MAST4: variants seen among roughly 807,000 people sequenced by gnomAD.
MAST4 encodes microtubule associated serine/threonine kinase family member 4.
MAST4 carries 89 observed loss-of-function variants against 162.7 expected under a neutral mutation model. That is an observed-to-expected ratio of 0.55 (90% CI 0.46 to 0.65). The LOEUF is 0.65. MAST4 is among the 30% of genes least tolerant of loss of function. MAST4 has a pLI of 0.00. For missense variants in MAST4, 3,153 were observed against 3,374.0 expected, an observed-to-expected ratio of 0.93 and a Z score of 1.62; for synonymous variants, 1,479 against 1,361.1, an observed-to-expected ratio of 1.09 and a Z score of -1.91.
At chr5:67,029,133 CA>C (rs35281187) in intron 4 of MAST4, among the ~76,000 whole-genome samples, 99 of 142,448 alleles carry the variant, frequency 6.9e-4, no homozygotes, top group Admixed American at 9.1e-4. Context: ...GACACTCTCT[CA>C]AAAAAAAAAA....
intron 3 of MAST4, among the ~76,000 whole-genome samples, chr5:66,795,085 T>C (rs888912603): frequency 6.6e-6 from 1 of 152,222 alleles, no homozygotes; most frequent in Non-Finnish European, 1.5e-5. Flanking sequence ...ATTAGCCTTA[T>C]AGCTCAAAAC....
chr5:66,619,386 C>A (rs1464240293), intron 1 of MAST4, among the ~76,000 whole-genome samples: 1 of 128,070 alleles, frequency 7.8e-6, no homozygotes, highest in Non-Finnish European at 1.7e-5. Context: ...ATATTTTTCT[C>A]CCTGAAAACT....
intron 3 of MAST4, among the ~76,000 whole-genome samples, chr5:66,845,387 C>A (rs894668854): frequency 6.6e-6 from 1 of 151,628 alleles, no homozygotes; most frequent in African/African-American, 2.4e-5. Flanking sequence ...TTTGTCCTTG[C>A]GATAGTTTGC....
intron 2 of MAST4, among the ~76,000 whole-genome samples, chr5:66,768,746 G>C (rs558386315): frequency 6.6e-6 from 1 of 152,254 alleles, no homozygotes; most frequent in Non-Finnish European, 1.5e-5. Flanking sequence ...CTTGGGTTGT[G>C]ATATTGTACT....
At chr5:67,073,385 G>T (rs1208692906) in intron 5 of MAST4, among the ~76,000 whole-genome samples, 1 of 152,196 alleles carries the variant, frequency 6.6e-6, no homozygotes, top group African/African-American at 2.4e-5. Flanking sequence ...AAAAAACCTA[G>T]TCTATATTCT....
intron 4 of MAST4, among the ~76,000 whole-genome samples, chr5:67,031,015 T>C (rs1009416349): frequency 1.3e-5 from 2 of 152,192 alleles, no homozygotes; most frequent in Non-Finnish European, 2.9e-5. Context: ...TTAACTGTCC[T>C]GTAAAAAGTA....
At chr5:66,866,004 G>C (rs188333162) in intron 3 of MAST4, among the ~76,000 whole-genome samples, 2 of 151,180 alleles carry the variant, frequency 1.3e-5, no homozygotes, top group Non-Finnish European at 1.5e-5. Flanking sequence ...GAACCCTGGG[G>C]GTGGAGGTTG....
At chr5:66,801,160 G>C (rs998802277) in intron 3 of MAST4, among the ~76,000 whole-genome samples, 1 of 152,132 alleles carries the variant, frequency 6.6e-6, no homozygotes, top group Non-Finnish European at 1.5e-5. Flanking sequence ...TAAAGTGATT[G>C]TTATGTGCTT....
chr5:66,916,709 G>A (rs1242278608), intron 4 of MAST4, among the ~76,000 whole-genome samples: 3 of 152,100 alleles, frequency 2.0e-5, no homozygotes. Context: ...GCTACTACCT[G>A]TCTTAAACAA....
intron 19 of MAST4, among the ~76,000 whole-genome samples, chr5:67,138,013 C>T (rs1294280483): frequency 6.6e-6 from 1 of 152,124 alleles, no homozygotes; most frequent in Non-Finnish European, 1.5e-5. Context: ...TTACCTTTTT[C>T]AGTGGTTGAG....
intron 4 of MAST4, among the ~76,000 whole-genome samples, chr5:66,907,616 G>GTGTC (rs778156634): frequency 0.028 from 4,175 of 151,158 alleles, 110 homozygotes; most frequent in African/African-American, 0.062. Context: ...GTGTGTGTGT[G>GTGTC]TGTGTGTGTG....
At chr5:66,729,525 C>T (rs1218794420) in intron 1 of MAST4, among the ~76,000 whole-genome samples, 3 of 152,082 alleles carry the variant, frequency 2.0e-5, no homozygotes, top group African/African-American at 7.2e-5. Context: ...CTATGCAGGC[C>T]CCTCATAGAG....
rs73764401 is a variant in MAST4 at position 66,627,851 on chromosome 5, T to C, written c.363+30833T>C. 5.6e-3 allele frequency among the ~76,000 whole-genome samples: 852 copies of C among 152,286 alleles called. 4 individuals carry two copies. Among genetic ancestry groups the C allele is most frequent in the African/African-American group, 0.019 (800 of 41,542 alleles). On this transcript the variant is annotated intron_variant, in intron 1 of 28. Coordinates refer to ENST00000403625, the MANE Select transcript of MAST4 (RefSeq NM_001164664.2). ...CACTCCAGTTTCATTGGGTTCACACTATGCCCTTTCAGAGTTACTGGAAGT... is the reference window on the plus strand; with the variant it reads ...CACTCCAGTTTCATTGGGTTCACACCATGCCCTTTCAGAGTTACTGGAAGT...
Position 66,988,748 on chromosome 5 carries a change from A to T in MAST4, c.675-65656A>T, listed in dbSNP as rs1749773077. Among the ~76,000 whole-genome samples the T allele has an allele frequency of 2.6e-5, 4 of 152,200 alleles. No individual in the cohort carries two copies. The South Asian group carries it at 8.3e-4, about 31-fold the overall frequency. On this transcript the variant is annotated intron_variant, in intron 4 of 28. Transcript: ENST00000403625. ...TGCCCAGTTTCTCAAGCACGAAGAG[A>T]CATTCACAGAATTTTGACAAGTTTG...
At chr5:67,001,823 C>A (rs1311948768) in intron 4 of MAST4, 3 of 152,158 alleles carry the variant, frequency 2.0e-5, no homozygotes, top group African/African-American at 4.8e-5. Context: ...CTCAGAAAAT[C>A]CACTCTTGTG....
chr5:66,922,056 T>G (rs1764574776), intron 4 of MAST4, among the ~76,000 whole-genome samples: 1 of 152,204 alleles, frequency 6.6e-6, no homozygotes, highest in Admixed American at 6.5e-5. Context: ...AGCAGATTAC[T>G]GACACAACAG....
At chr5:66,928,165 G>A (rs1005134907) in intron 4 of MAST4, among the ~76,000 whole-genome samples, 3 of 152,230 alleles carry the variant, frequency 2.0e-5, no homozygotes. Flanking sequence ...CTTTCCAGGG[G>A]CACAATTCAG....
intron 4 of MAST4, among the ~76,000 whole-genome samples, chr5:67,048,410 A>C (rs1476326870): frequency 6.6e-6 from 1 of 152,202 alleles, no homozygotes; most frequent in Admixed American, 6.5e-5. Flanking sequence ...AATTCATCCA[A>C]AAGTCAAAAA....
chr5:66,634,604 T>G (rs1744988728), intron 1 of MAST4, among the ~76,000 whole-genome samples: 1 of 152,220 alleles, frequency 6.6e-6, no homozygotes, highest in Non-Finnish European at 1.5e-5. Context: ...CCCCCCTTTT[T>G]GGGGACTGCT....
Sources: allele counts gnomAD v4.1 joint callset (sites outside exome capture counted in the v4.1 genomes callset), GRCh38; gene constraint gnomAD v4.1.1; transcripts MANE v1.5; gene names NCBI Gene and HGNC (gene_info 2026-07-23, HGNC 2026-07-21).